Variants in STX18 observed in about 807,000 individuals in gnomAD.
STX18 encodes the protein syntaxin 18, also known as syntaxin-18.
In STX18, 40 loss-of-function variants were observed where a neutral mutation model predicts 50.1. That is an observed-to-expected ratio of 0.80 (90% CI 0.62 to 1.04). The LOEUF is 1.04. STX18 is among the 50% of genes least tolerant of loss of function. STX18 has a pLI of 0.00. For synonymous variants in STX18, 158 were observed against 151.8 expected (o/e 1.04, Z -0.30); for missense variants, 410 against 415.8 (o/e 0.99, Z 0.12).
intron 1 of STX18, among the ~76,000 whole-genome samples, chr4:4,509,591 C>T (rs1729903136): frequency 6.6e-6 from 1 of 151,824 alleles, no homozygotes; most frequent in African/African-American, 2.4e-5. Flanking sequence ...ACAATCCAGC[C>T]ATATTTTAGA....
At chr4:4,530,367 AAT>A (rs1207614516) in intron 1 of STX18, among the ~76,000 whole-genome samples, 2 of 150,908 alleles carry the variant, frequency 1.3e-5, no homozygotes, top group African/African-American at 4.9e-5. Flanking sequence ...CTAACATAAT[AAT>A]ATAAGCATAT....
At chr4:4,515,265 T>G (rs1275222548) in intron 1 of STX18, among the ~76,000 whole-genome samples, 1 of 152,084 alleles carries the variant, frequency 6.6e-6, no homozygotes, top group African/African-American at 2.4e-5. Flanking sequence ...AATAAATACC[T>G]CAAAACATTT....
At chr4:4,456,477 G>A (rs1481080703) in intron 5 of STX18, among the ~76,000 whole-genome samples, 1 of 152,212 alleles carries the variant, frequency 6.6e-6, no homozygotes, top group Non-Finnish European at 1.5e-5. Flanking sequence ...ATGCTCATGT[G>A]AGCCCAGAGG....
chr4:4,430,740 C>T (rs1168427154), intron 7 of STX18, among the ~76,000 whole-genome samples: 3 of 152,194 alleles, frequency 2.0e-5, no homozygotes, highest in Non-Finnish European at 4.4e-5. Context: ...TGGCAGTATC[C>T]TTCTGGTGGG....
At chr4:4,467,306 C>A (rs548210475) in intron 2 of STX18, among the ~76,000 whole-genome samples, 1 of 152,278 alleles carries the variant, frequency 6.6e-6, no homozygotes, top group African/African-American at 2.4e-5. Flanking sequence ...CAAAGTTAAA[C>A]TATAAATTAA....
chr4:4,467,396 T>C (rs76520989), intron 2 of STX18, among the ~76,000 whole-genome samples: 5,533 of 152,250 alleles, frequency 0.036, 119 homozygotes, highest in Non-Finnish European at 0.05. Flanking sequence ...TGGAGTTGAT[T>C]AGGTCAGATC....
chr4:4,537,775 G>C (rs531104490), intron 1 of STX18, among the ~76,000 whole-genome samples: 1 of 152,142 alleles, frequency 6.6e-6, no homozygotes, highest in African/African-American at 2.4e-5. Context: ...CTGAAATTAA[G>C]TGGCTTCCCC....
At position 4,438,433 on chromosome 4, in the gene STX18, T is replaced by C. The variant is rs1374921211; in HGVS notation, c.574A>G (p.Lys192Glu). The change falls in exon 6 of 11, where the codon AAA becomes GAA. Residue 192 changes from lysine to glutamate, a missense_variant. Physicochemically the swap from Lys to Glu is moderately conservative, Grantham distance 56. Transcript: ENST00000306200. ...SSEKVSQSPS[K>E]DSEENPATEE... Reference sequence around the variant, plus strand: ...GTGGCAGGGTTTTCTTCAGAGTCTTTTGAAGGACTCTGTGAAACTTTCTCA... The same window carrying C: ...GTGGCAGGGTTTTCTTCAGAGTCTTCTGAAGGACTCTGTGAAACTTTCTCA... 1.2e-6 allele frequency: 2 copies of C among 1,613,942 alleles called. No individual in the cohort carries two copies. The highest frequency in any genetic ancestry group is 1.3e-5 in the African/African-American group (1 of 75,058).
intron 1 of STX18, among the ~76,000 whole-genome samples, chr4:4,531,314 AG>A (rs1242578439): frequency 6.6e-6 from 1 of 152,172 alleles, no homozygotes. Flanking sequence ...CTTCACTTCC[AG>A]GTACACAATA....
Position 4,434,752 on chromosome 4 carries a change from G to C in STX18, c.702+18C>G. 1 of 1,585,172 alleles carries C rather than the reference G, an allele frequency of 6.3e-7. No individual in the cohort carries two copies. The highest frequency in any genetic ancestry group is 1.2e-5 in the South Asian group (1 of 85,584). ...AAAACCAGTTAAAAATAAATAATTA[G>C]GCAGAGAATAGCATTACCATTTGTA... On this transcript the variant is annotated intron_variant, in intron 7 of 10. Coordinates refer to ENST00000306200, the MANE Select transcript of STX18 (RefSeq NM_016930.4).
intron 1 of STX18, among the ~76,000 whole-genome samples, chr4:4,486,524 G>GT (rs1457509088): frequency 2.6e-5 from 4 of 152,334 alleles, no homozygotes; most frequent in Middle Eastern, 3.4e-3. Context: ...AAGAAGAATT[G>GT]TAAGGGCTTT....
chr4:4,488,198 T>C (rs1474337393), intron 1 of STX18, among the ~76,000 whole-genome samples: 3 of 152,158 alleles, frequency 2.0e-5, no homozygotes, highest in African/African-American at 7.2e-5. Flanking sequence ...GTATAAAGTT[T>C]GTGGCAACAA....
chr4:4,441,287 C>T (rs778139573), intron 5 of STX18, among the ~76,000 whole-genome samples: 9 of 152,188 alleles, frequency 5.9e-5, no homozygotes, highest in Admixed American at 2.0e-4. Context: ...AGTAACATCA[C>T]TTTTTAAGAA....
intron 9 of STX18, among the ~76,000 whole-genome samples, chr4:4,421,823 A>T (rs1428142345): frequency 6.6e-6 from 1 of 152,198 alleles, no homozygotes; most frequent in Admixed American, 6.5e-5. Context: ...AAAATTTAAA[A>T]ATCAAAATAG....
chr4:4,511,078 G>A (rs1178951766), intron 1 of STX18, among the ~76,000 whole-genome samples: 2 of 152,068 alleles, frequency 1.3e-5, no homozygotes, highest in Admixed American at 6.5e-5. Context: ...CCTATATGAC[G>A]GGTTGACAGG....
chr4:4,435,719 G>A (rs1725741040), intron 6 of STX18, among the ~76,000 whole-genome samples: 1 of 152,180 alleles, frequency 6.6e-6, no homozygotes. Flanking sequence ...GACTCTCTAG[G>A]ACAGATACCT....
intron 6 of STX18, 131 bp downstream of exon 6, chr4:4,438,263 G>A (rs1045409660): frequency 2.9e-6 from 2 of 692,354 alleles, no homozygotes; most frequent in Non-Finnish European, 4.8e-6. Flanking sequence ...GCCGCCTCCT[G>A]CTTCCTTTGC....
chr4:4,424,816 C>T (rs191578215), intron 8 of STX18, among the ~76,000 whole-genome samples: 22 of 152,290 alleles, frequency 1.4e-4, no homozygotes, highest in African/African-American at 5.1e-4. Flanking sequence ...GTTAGCTGCC[C>T]TTCATAAGGG....
intron 1 of STX18, among the ~76,000 whole-genome samples, chr4:4,534,961 C>G (rs1361829091): frequency 1.3e-5 from 2 of 152,234 alleles, no homozygotes; most frequent in African/African-American, 4.8e-5. Flanking sequence ...ACAACCTCAC[C>G]CCCTGACACT....
Sources: allele counts gnomAD v4.1 joint callset (sites outside exome capture counted in the v4.1 genomes callset), GRCh38; gene constraint gnomAD v4.1.1; transcripts MANE v1.5; gene names NCBI Gene and HGNC (gene_info 2026-07-23, HGNC 2026-07-21).